The following FNBP1L variants were observed in gnomAD, a reference collection of about 807,000 sequenced individuals.
The protein encoded by FNBP1L is formin-binding protein 1-like.
FNBP1L carries 36 observed loss-of-function variants against 91.2 expected under a neutral mutation model. That is an observed-to-expected ratio of 0.39 (90% confidence interval 0.30 to 0.52). The LOEUF is 0.52. FNBP1L is among the 20% of genes least tolerant of loss of function. The pLI is 0.66. For synonymous variants in FNBP1L, 242 were observed against 237.0 expected, an observed-to-expected ratio of 1.02 and a Z score of -0.19; for missense variants, 571 against 732.1, an observed-to-expected ratio of 0.78 and a Z score of 2.54.
intron 2 of FNBP1L, among the ~76,000 whole-genome samples, chr1:93,507,412 T>C (rs552261008): frequency 2.0e-5 from 3 of 152,222 alleles, no homozygotes; most frequent in East Asian, 1.9e-4. Context: ...ACTAGATGAA[T>C]TGTCTAAAAT....
chr1:93,476,563 G>T (rs1389048100), intron 1 of FNBP1L, among the ~76,000 whole-genome samples: 4 of 152,072 alleles, frequency 2.6e-5, no homozygotes, highest in African/African-American at 9.6e-5. Context: ...TGCATAGAGG[G>T]GTAAGTAAGT....
At chr1:93,453,251 G>C (rs1272927115) in intron 1 of FNBP1L, among the ~76,000 whole-genome samples, 2 of 152,268 alleles carry the variant, frequency 1.3e-5, no homozygotes, top group African/African-American at 4.8e-5. Flanking sequence ...ATTGCTATTA[G>C]TTAAGGAGGA....
At chr1:93,544,333 T>TGA (rs1672146555) in intron 12 of FNBP1L, 117 bp downstream of exon 12, 3 of 572,922 alleles carry the variant, frequency 5.2e-6, no homozygotes, top group African/African-American at 3.9e-5. Flanking sequence ...AAATATCTTT[T>TGA]GAGAGAGAAT....
intron 8 of FNBP1L, among the ~76,000 whole-genome samples, chr1:93,533,324 G>C (rs890047454): frequency 2.0e-5 from 3 of 151,806 alleles, no homozygotes; most frequent in African/African-American, 7.3e-5. Context: ...TTATCAAAGA[G>C]TCTAACCTAG....
intron 1 of FNBP1L, among the ~76,000 whole-genome samples, chr1:93,462,594 T>C (rs1478741856): frequency 1.3e-5 from 2 of 152,196 alleles, no homozygotes; most frequent in Non-Finnish European, 2.9e-5. Flanking sequence ...CTTGAAAATT[T>C]TGAGGAGTAC....
chr1:93,514,311 A>G (rs1239639381), intron 2 of FNBP1L, among the ~76,000 whole-genome samples: 2 of 152,050 alleles, frequency 1.3e-5, no homozygotes, highest in African/African-American at 4.8e-5. Flanking sequence ...GTGGGTAGGA[A>G]GAATCAATAT....
chr1:93,456,897 A>T (rs1668687595), intron 1 of FNBP1L, among the ~76,000 whole-genome samples: 1 of 151,978 alleles, frequency 6.6e-6, no homozygotes, highest in Non-Finnish European at 1.5e-5. Context: ...TTTCTTTCTT[A>T]TCTTTTTTGA....
rs1200974770 is a variant in FNBP1L, at chr1:93,512,003, C to A, written c.141-10079C>A. Among the ~76,000 whole-genome samples, 5 of 147,934 alleles carry A rather than the reference C, an allele frequency of 3.4e-5. No homozygotes were observed. In the South Asian group the frequency reaches 8.6e-4, roughly 25 times the overall value. ...AAAAAAAAAAAGAGTCAAGACCCAT[C>A]AGTGTGCTGTATTCAGGAAACCCAT... On this transcript the variant is annotated intron_variant, in intron 2 of 16. Coordinates refer to ENST00000271234, the MANE Select transcript of FNBP1L (RefSeq NM_001164473.3).
intron 1 of FNBP1L, among the ~76,000 whole-genome samples, chr1:93,474,839 G>T (rs1669436783): frequency 6.6e-6 from 1 of 152,032 alleles, no homozygotes; most frequent in Admixed American, 6.6e-5. Flanking sequence ...AACTTCTTCT[G>T]CCTCTTTTCA....
chr1:93,493,340 G>A (rs985651366), intron 1 of FNBP1L, among the ~76,000 whole-genome samples: 5 of 152,158 alleles, frequency 3.3e-5, no homozygotes, highest in Non-Finnish European at 7.4e-5. Context: ...ATTTATTTTT[G>A]GTGGAGGGGT....
Position 93,553,060 on chromosome 1 carries a change from CGAA to C in FNBP1L, c.*649_*651del, listed in dbSNP as rs1277643911. The C allele has an allele frequency of 6.6e-6, 1 of 152,412 alleles. No individual in the cohort carries two copies. Among genetic ancestry groups the C allele is most frequent in the Admixed American group, 6.5e-5 (1 of 15,278 alleles). The allele number at this position is 152,412 out of a possible 1,614,324, so 9.4% of individuals were successfully genotyped here. Reference sequence around the variant, plus strand: ...TGCAAACATTCCAGTTTTGGCATTACGAAGAAGTAGCTGTGAACCTGAAGTATT... The same window carrying C: ...TGCAAACATTCCAGTTTTGGCATTACGAAGTAGCTGTGAACCTGAAGTATT... On this transcript the variant is annotated 3_prime_UTR_variant, in exon 17 of 17. Coordinates refer to ENST00000271234, the MANE Select transcript of FNBP1L (RefSeq NM_001164473.3).
chr1:93,484,121 G>A (rs1275837795), intron 1 of FNBP1L, among the ~76,000 whole-genome samples: 2 of 152,084 alleles, frequency 1.3e-5, no homozygotes, highest in Non-Finnish European at 1.5e-5. Context: ...TAGAGATGGG[G>A]TTTCACTATG....
At chr1:93,540,419 A>G (rs1671998662) in intron 10 of FNBP1L, among the ~76,000 whole-genome samples, 3 of 152,180 alleles carry the variant, frequency 2.0e-5, no homozygotes, top group African/African-American at 4.8e-5. Context: ...ACTTGTATAT[A>G]TTAGGAAATG....
At position 93,553,629 on chromosome 1, in the gene FNBP1L, T is replaced by C. The variant is rs1421021175; in HGVS notation, c.*1213T>C. 2 of 152,706 alleles carry C rather than the reference T, an allele frequency of 1.3e-5. No individual in the cohort carries two copies. The highest frequency in any genetic ancestry group is 4.8e-5 in the African/African-American group (2 of 41,482). 9.5% of individuals were successfully genotyped at this position (152,706 alleles called of 1,614,324 possible). A position where few individuals can be genotyped will look rare whatever the true frequency, so the allele number is the denominator to read the frequency against. On this transcript the variant is annotated 3_prime_UTR_variant, in exon 17 of 17. Transcript: ENST00000271234. ...GTCTCTTTCCACGTGATGCTTTTGTTTGAACCTGATAAAATTTAGTGAAAC... is the reference window on the plus strand; with the variant it reads ...GTCTCTTTCCACGTGATGCTTTTGTCTGAACCTGATAAAATTTAGTGAAAC...
Position 93,551,092 on chromosome 1 carries a change from G to C in FNBP1L, c.1797G>C (p.Glu599Asp). Reference protein sequence around the residue: ...VPTSYIDVTLEKNSKGS With the variant: ...VPTSYIDVTLDKNSKGS The stretch of plus-strand genomic sequence containing the variant: ...CGTCATACATAGATGTAACTCTAGA[G>C]AAAAACAGTAAAGGTGCAGTAACTT... The change falls in exon 16 of 17, where the codon GAG becomes GAC. Residue 599 changes from glutamate to aspartate, a missense_variant. Physicochemically the swap from Glu to Asp is conservative, Grantham distance 45. Transcript: ENST00000271234. 1 of 1,607,542 alleles carries C rather than the reference G, an allele frequency of 6.2e-7. No homozygotes were observed. The highest frequency in any genetic ancestry group is 8.5e-7 in the Non-Finnish European group (1 of 1,176,768).
chr1:93,529,806 TA>T (rs763469568), intron 6 of FNBP1L, 50 bp downstream of exon 6: 90 of 1,104,738 alleles, frequency 8.1e-5, no homozygotes, highest in Non-Finnish European at 1.1e-4. Context: ...ATTATTTGCA[TA>T]AGGAAAGTAG....
intron 1 of FNBP1L, among the ~76,000 whole-genome samples, chr1:93,451,477 T>C (rs190211198): frequency 1.5e-3 from 222 of 152,316 alleles, no homozygotes; most frequent in African/African-American, 5.1e-3. Flanking sequence ...AAAAATTTGC[T>C]ACCCAAGGAA....
At chr1:93,498,551 G>A (rs990703969) in intron 1 of FNBP1L, among the ~76,000 whole-genome samples, 1 of 152,158 alleles carries the variant, frequency 6.6e-6, no homozygotes, top group Admixed American at 6.5e-5. Context: ...TAAATAACGT[G>A]ACTAAACCAC....
At chr1:93,495,212 G>C (rs1253597161) in intron 1 of FNBP1L, among the ~76,000 whole-genome samples, 1 of 152,174 alleles carries the variant, frequency 6.6e-6, no homozygotes, top group Non-Finnish European at 1.5e-5. Context: ...TGGAAAGTTT[G>C]TTGTACAGTT....
Sources: allele counts gnomAD v4.1 joint callset (sites outside exome capture counted in the v4.1 genomes callset), GRCh38; gene constraint gnomAD v4.1.1; transcripts MANE v1.5; gene names NCBI Gene and HGNC (gene_info 2026-07-23, HGNC 2026-07-21).